PTPRD: variants seen among roughly 807,000 people sequenced by gnomAD.
The protein encoded by PTPRD is protein tyrosine phosphatase receptor type D, also known as receptor-type tyrosine-protein phosphatase delta.
In PTPRD, 34 loss-of-function variants were observed where a neutral mutation model predicts 214.5. The ratio of observed to expected loss-of-function variants is 0.16; its 90% CI spans 0.12 to 0.21. The LOEUF is 0.21. Ranked by LOEUF, PTPRD falls within the 10% of genes least tolerant of loss-of-function variation. The pLI is 1.00. For synonymous variants in PTPRD, 1,128 were observed against 845.7 expected (o/e 1.33, Z -5.79); for missense variants, 2,545 against 2,398.7 (o/e 1.06, Z -1.27).
chr9:10,429,424 G>A (rs982033232), intron 2 of PTPRD, among the ~76,000 whole-genome samples: 4 of 151,848 alleles, frequency 2.6e-5, no homozygotes, highest in African/African-American at 2.4e-5. Flanking sequence ...GCAAAATATA[G>A]AATCAACCTA....
rs116444816 is a variant in PTPRD, at chr9:10,052,643, T to G, written c.-544-18853A>C. Among the ~76,000 whole-genome samples the G allele has an allele frequency of 3.9e-3, 589 of 152,274 alleles. 1 individual carries two copies. Among genetic ancestry groups the G allele is most frequent in the African/African-American group, 0.013 (551 of 41,578 alleles). On this transcript the variant is annotated intron_variant, in intron 3 of 45. Coordinates refer to ENST00000381196, the MANE Select transcript of PTPRD (RefSeq NM_002839.4). Reference sequence around the variant, plus strand: ...TTATATTTTTTTACAGGTGTAAAACTAAGGCTAAGGTCACACAGCTAAAAA... The same window carrying G: ...TTATATTTTTTTACAGGTGTAAAACGAAGGCTAAGGTCACACAGCTAAAAA...
chr9:10,097,285 GTAGC>G (rs2098500638), intron 3 of PTPRD, among the ~76,000 whole-genome samples: 1 of 137,464 alleles, frequency 7.3e-6, no homozygotes, highest in African/African-American at 2.9e-5. Context: ...AAAGTCATTG[GTAGC>G]TTGATGAGGA....
chr9:10,545,916 A>C (rs1440379625), intron 2 of PTPRD, among the ~76,000 whole-genome samples: 1 of 152,170 alleles, frequency 6.6e-6, no homozygotes. Flanking sequence ...TCCCTGATCA[A>C]ATTAGGCTGG....
At position 8,871,358 on chromosome 9, in the gene PTPRD, GAAATGTGGGGCATACAC is replaced by G. The variant is rs911907122; in HGVS notation, c.-103-137429_-103-137413del. 2.2e-4 allele frequency among the ~76,000 whole-genome samples: 33 copies of G among 147,376 alleles called. No individual in the cohort carries two copies. In the East Asian group the frequency reaches 6.0e-3, roughly 27 times the overall value. ...TTTATGTTAGCATCTGATCACTAAG[GAAATGTGGGGCATACAC>G]ATAGGCCCTAGAATCAGCTACTTAA... On this transcript the variant is annotated intron_variant, in intron 11 of 45. Coordinates refer to ENST00000381196, the MANE Select transcript of PTPRD (RefSeq NM_002839.4).
chr9:9,031,773 C>A lies in PTPRD; in HGVS notation c.-142-13038G>T, dbSNP rs541739642. Reference sequence around the variant, plus strand: ...CCTGACAAAAGTACTCAGATAAAAACATATTAGGAGTTAGGTGAAAGAACA... The same window carrying A: ...CCTGACAAAAGTACTCAGATAAAAAAATATTAGGAGTTAGGTGAAAGAACA... On this transcript the variant is annotated intron_variant, in intron 10 of 45. Transcript: ENST00000381196. Among the ~76,000 whole-genome samples the A allele has an allele frequency of 2.5e-3, 377 of 152,016 alleles. 2 individuals carry two copies. The highest frequency in any genetic ancestry group is 8.7e-3 in the African/African-American group (363 of 41,506).
chr9:9,572,563 A>ATATATATATATATATATGTG (rs1260058275), intron 8 of PTPRD, among the ~76,000 whole-genome samples: 2 of 49,808 alleles, frequency 4.0e-5, no homozygotes, highest in Non-Finnish European at 9.2e-5. Context: ...ATATATATGT[A>ATATATATATATATATATGTG]TATATATATA....
intron 11 of PTPRD, among the ~76,000 whole-genome samples, chr9:8,934,640 C>G (rs893488379): frequency 1.4e-5 from 2 of 146,594 alleles, no homozygotes; most frequent in Non-Finnish European, 3.0e-5. Context: ...TGTTTAAGAT[C>G]TACTCTCTTA....
intron 5 of PTPRD, among the ~76,000 whole-genome samples, chr9:9,826,506 C>T (rs2052902363): frequency 6.6e-6 from 1 of 151,812 alleles, no homozygotes; most frequent in Admixed American, 6.6e-5. Flanking sequence ...AGAGACAGTA[C>T]CATTATAAAG....
At chr9:9,534,648 T>G (rs1235128974) in intron 8 of PTPRD, among the ~76,000 whole-genome samples, 1 of 152,102 alleles carries the variant, frequency 6.6e-6, no homozygotes, top group Non-Finnish European at 1.5e-5. Context: ...TAACGCTTTT[T>G]AAAGTTCACT....
chr9:10,493,608 T>C (rs1235297546), intron 2 of PTPRD, among the ~76,000 whole-genome samples: 2 of 152,130 alleles, frequency 1.3e-5, no homozygotes, highest in African/African-American at 4.8e-5. Flanking sequence ...ACAGGGTTTC[T>C]TTTAATAACA....
chr9:8,941,155 A>G (rs10816010), intron 11 of PTPRD, among the ~76,000 whole-genome samples: 68,077 of 151,936 alleles, frequency 0.45, 15,992 homozygotes, highest in Non-Finnish European at 0.52. Context: ...AAACACATCT[A>G]TTATTCTAAA....
chr9:8,340,940 A>C, intron 41 of PTPRD, 150 bp downstream of exon 41: 1 of 780,770 alleles, frequency 1.3e-6, no homozygotes. Context: ...TCCTATCCAA[A>C]ATAACAAAAA....
intron 2 of PTPRD, among the ~76,000 whole-genome samples, chr9:10,520,552 C>G (rs1175221686): frequency 6.6e-6 from 1 of 152,150 alleles, no homozygotes. Context: ...CTACACTCAC[C>G]AATAGATTTT....
At chr9:10,026,071 A>G (rs935801445) in intron 4 of PTPRD, among the ~76,000 whole-genome samples, 2 of 152,198 alleles carry the variant, frequency 1.3e-5, no homozygotes, top group African/African-American at 4.8e-5. Flanking sequence ...GTCTCTTGCA[A>G]TTGATGGTGT....
intron 3 of PTPRD, among the ~76,000 whole-genome samples, chr9:10,175,509 A>T (rs2099242605): frequency 6.6e-6 from 1 of 152,076 alleles, no homozygotes; most frequent in Non-Finnish European, 1.5e-5. Flanking sequence ...ACTTTTCTGC[A>T]GTAACTATCT....
intron 5 of PTPRD, among the ~76,000 whole-genome samples, chr9:9,782,867 T>C (rs1006966260): frequency 6.6e-6 from 1 of 152,220 alleles, no homozygotes; most frequent in Non-Finnish European, 1.5e-5. Context: ...TGGATACATC[T>C]GCTTCCTTGG....
At chr9:9,333,092 C>T (rs929846409) in intron 9 of PTPRD, among the ~76,000 whole-genome samples, 1 of 151,836 alleles carries the variant, frequency 6.6e-6, no homozygotes, top group African/African-American at 2.4e-5. Context: ...ATAAAGAGTA[C>T]AAAGACCACA....
chr9:10,110,355 G>A (rs866928093), intron 3 of PTPRD, among the ~76,000 whole-genome samples: 1 of 152,080 alleles, frequency 6.6e-6, no homozygotes, highest in Non-Finnish European at 1.5e-5. Context: ...TCTTAGGTTC[G>A]GTCCTTTCTT....
chr9:8,728,966 T>A (rs1166465704), intron 12 of PTPRD, among the ~76,000 whole-genome samples: 1 of 152,060 alleles, frequency 6.6e-6, no homozygotes, highest in Non-Finnish European at 1.5e-5. Flanking sequence ...GGCAACAGAG[T>A]GAGACTGTCT....
Sources: gnomAD v4.1 joint callset for allele counts (sites outside exome capture counted in the v4.1 genomes callset) on GRCh38, gnomAD v4.1.1 for gene constraint, MANE v1.5 for transcripts, NCBI Gene and HGNC (gene_info 2026-07-23, HGNC 2026-07-21) for gene names.